The following DPY19L2 variants were observed in gnomAD, a reference collection of about 807,000 sequenced individuals.
DPY19L2 encodes probable C-mannosyltransferase DPY19L2.
DPY19L2 carries 34 observed loss-of-function variants against 97.9 expected under a neutral mutation model. The observed-to-expected ratio is 0.35, with a 90% CI of 0.26 to 0.46. The LOEUF (loss-of-function observed/expected upper bound fraction) is 0.46, where lower values mean the gene tolerates loss of function less well. Among genes scored for constraint, DPY19L2 ranks in the 20% least tolerant of loss-of-function variants. The pLI, the probability that DPY19L2 is intolerant of heterozygous loss-of-function variation, is 1.00. For missense variants in DPY19L2, 623 were observed against 911.4 expected, an observed-to-expected ratio of 0.68 and a Z score of 4.07; for synonymous variants, 230 against 307.9, an observed-to-expected ratio of 0.75 and a Z score of 2.65.
chr12:63,570,478 T>C (rs11175048), intron 20 of DPY19L2, among the ~76,000 whole-genome samples: 96,326 of 148,780 alleles, frequency 0.65, 31,620 homozygotes, highest in African/African-American at 0.82. Flanking sequence ...CTGGAATACA[T>C]ACACACATCA....
chr12:63,667,510 G>T (rs1269725033), intron 1 of DPY19L2, among the ~76,000 whole-genome samples: 1 of 152,098 alleles, frequency 6.6e-6, no homozygotes, highest in African/African-American at 2.4e-5. Context: ...CTGGACCACG[G>T]CATCCTATCA....
chr12:63,587,661 C>T (rs867258447), intron 16 of DPY19L2, among the ~76,000 whole-genome samples: 1 of 151,590 alleles, frequency 6.6e-6, no homozygotes. Context: ...CAACCTCCAA[C>T]TCCTGGGTTC....
intron 6 of DPY19L2, among the ~76,000 whole-genome samples, chr12:63,635,549 G>A (rs1196504879): frequency 6.6e-6 from 1 of 152,080 alleles, no homozygotes; most frequent in East Asian, 1.9e-4. Context: ...AAAAAGATCA[G>A]ATGAATGGCT....
chr12:63,631,390 C>T (rs985443046), intron 6 of DPY19L2, among the ~76,000 whole-genome samples: 14 of 152,094 alleles, frequency 9.2e-5, no homozygotes, highest in African/African-American at 3.1e-4. Flanking sequence ...ATATCACCAC[C>T]GATCACTCAG....
chr12:63,637,968 T>C (rs1460985052), intron 6 of DPY19L2, among the ~76,000 whole-genome samples: 1 of 152,122 alleles, frequency 6.6e-6, no homozygotes, highest in Non-Finnish European at 1.5e-5. Flanking sequence ...AATAAAATAT[T>C]GGCAAACCGA....
Position 63,612,975 on chromosome 12 carries a change from C to T in DPY19L2, c.1219-4300G>A, listed in dbSNP as rs182083300. On this transcript the variant is annotated intron_variant, in intron 11 of 21. Transcript: ENST00000324472. ...TTCACTCAAGAGGAAATGGATAACA[C>T]GAATAGCCTTATACCTTATTAATGA... Among the ~76,000 whole-genome samples the T allele has an allele frequency of 8.1e-3, 1,235 of 152,064 alleles. 12 individuals carry two copies. Among genetic ancestry groups the T allele is most frequent in the Non-Finnish European group, 0.012 (810 of 67,924 alleles).
At chr12:63,643,067 A>C (rs2138110544) in intron 6 of DPY19L2, among the ~76,000 whole-genome samples, 1 of 152,172 alleles carries the variant, frequency 6.6e-6, no homozygotes, top group South Asian at 2.1e-4. Context: ...TTGATGCTAA[A>C]GTATAAAATT....
chr12:63,587,189 A>T (rs761113698), intron 16 of DPY19L2, among the ~76,000 whole-genome samples: 1 of 152,270 alleles, frequency 6.6e-6, no homozygotes, highest in Middle Eastern at 3.4e-3. Context: ...TAAAGCAAAG[A>T]ATATCCTTTA....
chr12:63,591,500 A>T (rs1396756318), intron 16 of DPY19L2, among the ~76,000 whole-genome samples: 1 of 152,106 alleles, frequency 6.6e-6, no homozygotes, highest in Non-Finnish European at 1.5e-5. Flanking sequence ...GTCATTTGAG[A>T]TCATATTTCC....
intron 6 of DPY19L2, among the ~76,000 whole-genome samples, chr12:63,641,887 C>T (rs1033301933): frequency 5.3e-5 from 8 of 152,076 alleles, no homozygotes; most frequent in Non-Finnish European, 1.2e-4. Context: ...ACACTGTTTA[C>T]CAAAATAGTT....
At chr12:63,636,554 TA>T (rs1355516401) in intron 6 of DPY19L2, among the ~76,000 whole-genome samples, 1 of 151,540 alleles carries the variant, frequency 6.6e-6, no homozygotes, top group Non-Finnish European at 1.5e-5. Context: ...GAGACACACA[TA>T]GGCTCAAAAA....
At chr12:63,618,549 G>A (rs1888197300) in intron 9 of DPY19L2, among the ~76,000 whole-genome samples, 1 of 152,084 alleles carries the variant, frequency 6.6e-6, no homozygotes. Flanking sequence ...TTTCAACAGA[G>A]GCAGATGCCT....
At position 63,560,421 on chromosome 12, in the gene DPY19L2, A is replaced by G; in HGVS notation, c.*91T>C. The G allele has an allele frequency of 7.1e-7, 1 of 1,410,550 alleles. No individual in the cohort carries two copies. Among genetic ancestry groups the G allele is most frequent in the East Asian group, 2.4e-5 (1 of 41,692 alleles). 87.4% of individuals were successfully genotyped at this position (1,410,550 alleles called of 1,614,324 possible). On this transcript the variant is annotated 3_prime_UTR_variant, in exon 22 of 22. Coordinates refer to ENST00000324472, the MANE Select transcript of DPY19L2 (RefSeq NM_173812.5). ...TCTTATTTTTAAGTGTCTGTTATTA[A>G]AGCTTGTGATTTTTATTAATGTGAA...
chr12:63,569,268 C>A lies in DPY19L2; in HGVS notation c.2082G>T (p.Val694=). 1 of 1,601,866 alleles carries A rather than the reference C, an allele frequency of 6.2e-7. No individual in the cohort carries two copies. ...ATGCCTCTTCTAAAACATAATAATT[C>A]ACATGTAACTCCAACAATTTATCTC... ...EVRDKLLELH[V]NYYVLEEAWC... Residue 694 remains valine (V), a synonymous_variant, in exon 21 of 22, where the codon GTG becomes GTT. Coordinates refer to ENST00000324472, the MANE Select transcript of DPY19L2 (RefSeq NM_173812.5).
intron 19 of DPY19L2, among the ~76,000 whole-genome samples, chr12:63,578,327 GT>G (rs750509974): frequency 1.3e-5 from 2 of 148,382 alleles, no homozygotes; most frequent in Admixed American, 6.6e-5. Context: ...TAGTGAGGGG[GT>G]GGAGGGGAAG....
At chr12:63,577,766 A>C (rs1433906569) in intron 19 of DPY19L2, among the ~76,000 whole-genome samples, 1 of 152,138 alleles carries the variant, frequency 6.6e-6, no homozygotes, top group African/African-American at 2.4e-5. Flanking sequence ...TATTCAAAAG[A>C]CAGGCAATAA....
At chr12:63,596,656 C>T (rs1199432479) in intron 14 of DPY19L2, among the ~76,000 whole-genome samples, 2 of 152,058 alleles carry the variant, frequency 1.3e-5, no homozygotes, top group Non-Finnish European at 2.9e-5. Context: ...AATGGGATGA[C>T]TGGTTGGATG....
At position 63,589,606 on chromosome 12, in the gene DPY19L2, A is replaced by G. The variant is rs868404146; in HGVS notation, c.1580+4481T>C. ...AACGCAAGAGTAATAAATAACCTATATGTAAATAGACACTTATGAAAGAAA... is the reference window on the plus strand; with the variant it reads ...AACGCAAGAGTAATAAATAACCTATGTGTAAATAGACACTTATGAAAGAAA... On this transcript the variant is annotated intron_variant, in intron 16 of 21. Transcript: ENST00000324472. Among the ~76,000 whole-genome samples the G allele has an allele frequency of 5.3e-5, 8 of 152,166 alleles. No homozygotes were observed. In the South Asian group the frequency reaches 6.2e-4, roughly 12 times the overall value.
At chr12:63,641,723 G>A (rs1407650173) in intron 6 of DPY19L2, among the ~76,000 whole-genome samples, 1 of 151,916 alleles carries the variant, frequency 6.6e-6, no homozygotes, top group Non-Finnish European at 1.5e-5. Context: ...GGATATTTGG[G>A]TTGTTTCCAG....
Sources: allele counts gnomAD v4.1 joint callset (sites outside exome capture counted in the v4.1 genomes callset), GRCh38; gene constraint gnomAD v4.1.1; transcripts MANE v1.5; gene names NCBI Gene and HGNC (gene_info 2026-07-23, HGNC 2026-07-21).